VWA5B1: variants seen among roughly 807,000 people sequenced by gnomAD.
VWA5B1 encodes von Willebrand factor A domain-containing protein 5B1.
VWA5B1 carries 115 observed loss-of-function variants against 118.2 expected under a neutral mutation model. That is an observed-to-expected ratio of 0.97 (90% CI 0.84 to 1.14). VWA5B1 has a LOEUF of 1.14. VWA5B1 is among the 50% of genes most tolerant of loss of function. The pLI is 0.00. For missense variants in VWA5B1, 1,596 were observed against 1,603.8 expected (o/e 1.00, Z 0.08); for synonymous variants, 682 against 658.4 (o/e 1.04, Z -0.55).
rs1399443626 is a variant in VWA5B1, at chr1:20,314,428, GACCATT to G, written c.400_405del (p.Thr134_Ile135del). On this transcript the variant is annotated inframe_deletion, in exon 4 of 22. Coordinates refer to ENST00000289815, the MANE Select transcript of VWA5B1 (RefSeq NM_001039500.3). The stretch of plus-strand genomic sequence containing the variant: ...GGATCCTGTTCGTGGCCAACCTGGG[GACCATT>G]GCCCCCATGGAGAATGTCACCATCT... The G allele has an allele frequency of 6.4e-7, 1 of 1,551,944 alleles. No individual in the cohort carries two copies. Among genetic ancestry groups the G allele is most frequent in the East Asian group, 2.4e-5 (1 of 40,910 alleles).
chr1:20,326,645 T>C (rs2089392656), intron 8 of VWA5B1, among the ~76,000 whole-genome samples: 1 of 152,148 alleles, frequency 6.6e-6, no homozygotes, highest in Non-Finnish European at 1.5e-5. Context: ...TTTGTGTTTT[T>C]AGTAGAGACG....
intron 7 of VWA5B1, 23 bp downstream of exon 7, chr1:20,319,529 G>A (rs1376856873): frequency 5.8e-6 from 9 of 1,550,794 alleles, no homozygotes; most frequent in South Asian, 1.2e-5. Context: ...GAGGTGGGGA[G>A]CGGACGGTGG....
At chr1:20,329,287 CTTTTTTTTTTTTTTTTT>C (rs10578067) in intron 9 of VWA5B1, among the ~76,000 whole-genome samples, 3 of 89,208 alleles carry the variant, frequency 3.4e-5, no homozygotes, top group Admixed American at 1.5e-4. Flanking sequence ...TTTCTTTTCC[CTTTTTTTTTTTTTTTTT>C]TTTTTTTTTT....
At chr1:20,338,166 A>T in intron 14 of VWA5B1, 1 of 474,782 alleles carries the variant, frequency 2.1e-6, no homozygotes, top group South Asian at 1.6e-5. Flanking sequence ...ACAGATGTGG[A>T]AATTGAGAGC....
chr1:20,353,260 A>G (rs975991596), intron 21 of VWA5B1, among the ~76,000 whole-genome samples: 3 of 152,208 alleles, frequency 2.0e-5, no homozygotes, highest in Non-Finnish European at 4.4e-5. Context: ...CACTGAAGTC[A>G]TTGAACTGAG....
chr1:20,336,543 G>A, intron 13 of VWA5B1, 57 bp downstream of exon 13: 1 of 1,290,356 alleles, frequency 7.7e-7, no homozygotes, highest in Non-Finnish European at 9.9e-7. Flanking sequence ...TATGTGCTAA[G>A]CACTTGGTAA....
intron 14 of VWA5B1, chr1:20,339,099 T>C (rs1280369394): frequency 6.6e-6 from 1 of 152,192 alleles, no homozygotes; most frequent in Non-Finnish European, 1.5e-5. Context: ...CCTTGGCCTC[T>C]GCTCGCTAGA....
chr1:20,321,973 C>T (rs2089232662), intron 7 of VWA5B1, among the ~76,000 whole-genome samples: 1 of 152,150 alleles, frequency 6.6e-6, no homozygotes, highest in Non-Finnish European at 1.5e-5. Context: ...GTCGCTCTGG[C>T]TGCTCTCTGC....
At chr1:20,308,751 T>C (rs1257139908) in intron 1 of VWA5B1, among the ~76,000 whole-genome samples, 3 of 151,992 alleles carry the variant, frequency 2.0e-5, no homozygotes, top group South Asian at 2.1e-4. Flanking sequence ...GAGAACATAA[T>C]TAAAAAGCCA....
intron 6 of VWA5B1, among the ~76,000 whole-genome samples, chr1:20,318,935 G>C (rs1365035594): frequency 6.6e-6 from 1 of 152,162 alleles, no homozygotes; most frequent in East Asian, 1.9e-4. Context: ...CCTGATTCAA[G>C]CTCCAGAGGC....
rs928659333 is a variant in VWA5B1, at chr1:20,350,920, G to T, written c.3017G>T (p.Gly1006Val). The change falls in exon 20 of 22, where the codon GGA becomes GTA. Residue 1006 changes from glycine to valine, a missense_variant. Transcript: ENST00000289815. ...SSMKASENLF[G>V]SWLNLNKSRL... ...ATGAAGGCCTCAGAGAATCTCTTTG[G>T]ATCCTGGTAGGTGGGATTTCCAATA... 6.4e-7 allele frequency: 1 copy of T among 1,551,926 alleles called. No individual in the cohort carries two copies. Among genetic ancestry groups the T allele is most frequent in the Admixed American group, 2.0e-5 (1 of 50,996 alleles).
Position 20,317,662 on chromosome 1 carries a change from A to G in VWA5B1, c.696A>G (p.Pro232=). The change falls in exon 5 of 22, where the codon CCA becomes CCG. Residue 232 remains proline (P), a synonymous_variant. Coordinates refer to ENST00000289815, the MANE Select transcript of VWA5B1 (RefSeq NM_001039500.3). Reference sequence around the variant, plus strand: ...ACTTCCAGCTGGAGATCCGTGGGCCATGTCTGCTCGCAGGTGAGAGGGAGA... The same window carrying G: ...ACTTCCAGCTGGAGATCCGTGGGCCGTGTCTGCTCGCAGGTGAGAGGGAGA... The part of the protein sequence containing the change: ...EFNFQLEIRG[P]CLLAGVESPT... 3 of 1,550,336 alleles carry G rather than the reference A, an allele frequency of 1.9e-6. No individual in the cohort carries two copies. Among genetic ancestry groups the G allele is most frequent in the Non-Finnish European group, 2.6e-6 (3 of 1,146,196 alleles).
In VWA5B1 at chr1:20,354,941, A is replaced by C. The variant is rs1227269888; in HGVS notation, c.*678A>C. 1 of 152,246 alleles carries C rather than the reference A, an allele frequency of 6.6e-6. No individual in the cohort carries two copies. Among genetic ancestry groups the C allele is most frequent in the East Asian group, 1.9e-4 (1 of 5,198 alleles). 9.4% of individuals were successfully genotyped at this position (152,246 alleles called of 1,614,324 possible). A position where few individuals can be genotyped will look rare whatever the true frequency, so the allele number is the denominator to read the frequency against. On this transcript the variant is annotated 3_prime_UTR_variant, in exon 22 of 22. Coordinates refer to ENST00000289815, the MANE Select transcript of VWA5B1 (RefSeq NM_001039500.3). The stretch of plus-strand genomic sequence containing the variant: ...ACATACTAGTATTGCCTTGCAGATC[A>C]TTAGTGGCTCCCTCACTAAGAAGAG...
chr1:20,336,152 C>A, intron 12 of VWA5B1, 151 bp from the exon 13 acceptor site: 1 of 588,534 alleles, frequency 1.7e-6, no homozygotes, highest in Non-Finnish European at 2.6e-6. Context: ...AAGTTTGTCT[C>A]AATTCCCTAA....
chr1:20,344,007 A>C (rs1570213622), intron 16 of VWA5B1, among the ~76,000 whole-genome samples: 5 of 66,468 alleles, frequency 7.5e-5, no homozygotes, highest in Admixed American at 1.8e-4. Context: ...CCCCCACTCC[A>C]CCTCACACCA....
Position 20,354,261 on chromosome 1 carries a change from T to A in VWA5B1, c.3646T>A (p.Ter1216LysextTer32). 1 of 1,534,414 alleles carries A rather than the reference T, an allele frequency of 6.5e-7. No individual in the cohort carries two copies. Among genetic ancestry groups the A allele is most frequent in the Non-Finnish European group, 8.8e-7 (1 of 1,135,690 alleles). The part of the protein sequence containing the change: ...NMLCYNPNYV[*>K] Reference sequence around the variant, plus strand: ...GCTCTGCTATAACCCGAATTATGTGTAGTTGAGTGACGGGGAGGCTGGGTG... The same window carrying A: ...GCTCTGCTATAACCCGAATTATGTGAAGTTGAGTGACGGGGAGGCTGGGTG... Residue 1216 changes from the stop codon to lysine, a stop_lost, in exon 22 of 22, where the codon TAG becomes AAG. Coordinates refer to ENST00000289815, the MANE Select transcript of VWA5B1 (RefSeq NM_001039500.3).
intron 7 of VWA5B1, among the ~76,000 whole-genome samples, chr1:20,321,598 A>T (rs1032719413): frequency 6.6e-6 from 1 of 152,228 alleles, no homozygotes; most frequent in Non-Finnish European, 1.5e-5. Context: ...AAATAAAAAT[A>T]AAAAAGCAAA....
chr1:20,313,022 G>A (rs1182808912), intron 3 of VWA5B1, 34 bp downstream of exon 3: 1 of 1,543,128 alleles, frequency 6.5e-7, no homozygotes, highest in South Asian at 1.2e-5. Context: ...GCGGGACCTG[G>A]GTTTGGCCAG....
chr1:20,353,091 C>A (rs1214897036), intron 21 of VWA5B1, among the ~76,000 whole-genome samples: 2 of 152,100 alleles, frequency 1.3e-5, no homozygotes, highest in African/African-American at 4.8e-5. Flanking sequence ...TGGAGAAGGT[C>A]AAGGCTAAGC....
Sources: gnomAD v4.1 joint callset for allele counts (sites outside exome capture counted in the v4.1 genomes callset) on GRCh38, gnomAD v4.1.1 for gene constraint, MANE v1.5 for transcripts, NCBI Gene and HGNC (gene_info 2026-07-23, HGNC 2026-07-21) for gene names.